PAK4: variants seen among roughly 807,000 people sequenced by gnomAD.
The protein encoded by PAK4 is p21 (RAC1) activated kinase 4, also known as serine/threonine-protein kinase PAK 4.
A neutral mutation model predicts 53.5 loss-of-function variants in PAK4; 49 were observed. That is an observed-to-expected ratio of 0.92 (90% CI 0.73 to 1.16). PAK4 has a LOEUF of 1.16. Ranked by LOEUF, PAK4 falls within the 50% of genes most tolerant of loss-of-function variation. PAK4 has a pLI of 0.00. For missense variants in PAK4, 824 were observed against 850.7 expected, an observed-to-expected ratio of 0.97 and a Z score of 0.39; for synonymous variants, 376 against 375.6, an observed-to-expected ratio of 1.00 and a Z score of -0.01.
chr19:39,131,963 C>T (rs1336054369), intron 1 of PAK4, among the ~76,000 whole-genome samples: 2 of 152,178 alleles, frequency 1.3e-5, no homozygotes, highest in South Asian at 2.1e-4. Context: ...CGATGCTCAG[C>T]ACTCAGTAAG....
chr19:39,164,112 A>G (rs895835038), intron 1 of PAK4, among the ~76,000 whole-genome samples: 1 of 151,972 alleles, frequency 6.6e-6, no homozygotes, highest in Non-Finnish European at 1.5e-5. Flanking sequence ...CCCCATCTCT[A>G]CTAAGAATAC....
chr19:39,160,681 G>T (rs1281504408), intron 1 of PAK4, among the ~76,000 whole-genome samples: 1 of 152,222 alleles, frequency 6.6e-6, no homozygotes, highest in African/African-American at 2.4e-5. Context: ...AGGAGATGAG[G>T]TTTGCGAGGT....
intron 1 of PAK4, among the ~76,000 whole-genome samples, chr19:39,143,219 GGTGCCTAGAACA>G (rs1048922590): frequency 2.7e-5 from 4 of 150,878 alleles, no homozygotes; most frequent in Admixed American, 6.6e-5. Flanking sequence ...CTGTGTCCCT[GGTGCCTAGAACA>G]GTGCCTGGCA....
chr19:39,157,673 C>T (rs1389747808), intron 1 of PAK4, among the ~76,000 whole-genome samples: 2 of 152,250 alleles, frequency 1.3e-5, no homozygotes, highest in African/African-American at 4.8e-5. Context: ...GCAAGCAAGG[C>T]ACTGACCCCT....
chr19:39,136,100 C>T lies in PAK4; in HGVS notation c.-23+10181C>T, dbSNP rs865834391. On this transcript the variant is annotated intron_variant, in intron 1 of 8. Transcript: ENST00000358301. The stretch of plus-strand genomic sequence containing the variant: ...TTGTCACCCCTCTTCCTCGTCACCC[C>T]CCTTCCTCATCATCCCCCTTCCTCG... Among the ~76,000 whole-genome samples, 12 of 124,262 alleles carry T rather than the reference C, an allele frequency of 9.7e-5. 1 individual carries two copies. Among genetic ancestry groups the T allele is most frequent in the African/African-American group, 3.3e-4 (11 of 33,262 alleles). 81.5% of individuals were successfully genotyped at this position (124,262 alleles called of 152,430 possible).
intron 1 of PAK4, among the ~76,000 whole-genome samples, chr19:39,169,280 T>C (rs1310876308): frequency 6.6e-6 from 1 of 151,932 alleles, no homozygotes; most frequent in Non-Finnish European, 1.5e-5. Context: ...TGATGGGGCC[T>C]TGTGGGCCCG....
At chr19:39,169,395 G>GGGCA (rs2144818513) in intron 1 of PAK4, 137 bp from the exon 3 acceptor site, 2 of 663,470 alleles carry the variant, frequency 3.0e-6, no homozygotes, top group South Asian at 1.8e-5. Context: ...CGCAGGGGGT[G>GGGCA]GGCAGGGAGA....
intron 1 of PAK4, among the ~76,000 whole-genome samples, chr19:39,140,655 C>T (rs1266180741): frequency 3.3e-5 from 5 of 152,184 alleles, no homozygotes; most frequent in African/African-American, 1.2e-4. Flanking sequence ...AGCTGATGGT[C>T]CCGTATGTCC....
At chr19:39,177,849 C>CGGGTGGCA in intron 8 of PAK4, 40 bp downstream of exon 9, 1 of 1,579,088 alleles carries the variant, frequency 6.3e-7, no homozygotes, top group Non-Finnish European at 8.6e-7. Context: ...CGCCAGCTGG[C>CGGGTGGCA]GGGTGGCAGG....
downstream of PAK4, chr19:39,181,258 T>A (rs1309358201): frequency 6.6e-6 from 1 of 152,406 alleles, no homozygotes; most frequent in African/African-American, 2.4e-5. Flanking sequence ...CACTGCAGTT[T>A]GAAGGCATGG....
chr19:39,145,335 C>T (rs759465014), intron 1 of PAK4, among the ~76,000 whole-genome samples: 6 of 152,180 alleles, frequency 3.9e-5, no homozygotes, highest in Non-Finnish European at 7.3e-5. Context: ...GTAAATGGTA[C>T]GAGGCCAGCG....
chr19:39,136,147 C>G, intron 1 of PAK4, among the ~76,000 whole-genome samples: 1 of 136,730 alleles, frequency 7.3e-6, no homozygotes, highest in Admixed American at 7.7e-5. Flanking sequence ...CCTTGTTACC[C>G]TTCTTCCTCG....
Position 39,174,015 on chromosome 19 carries a change from G to C in PAK4, c.1098+5G>C. On this transcript the variant is annotated splice_donor_5th_base_variant and intron_variant, in intron 4 of 8. Transcript: ENST00000358301. ...CGCGAGCTGCTCTTCAACGAGGTGC[G>C]GGCGCTGCTGCCCTGCCGCCCTGCT... 1 of 1,559,106 alleles carries C rather than the reference G, an allele frequency of 6.4e-7. No homozygotes were observed. The highest frequency in any genetic ancestry group is 1.2e-5 in the South Asian group (1 of 85,922).
At chr19:39,156,321 G>T (rs1189569762) in intron 1 of PAK4, among the ~76,000 whole-genome samples, 1 of 150,946 alleles carries the variant, frequency 6.6e-6, no homozygotes, top group Non-Finnish European at 1.5e-5. Flanking sequence ...AGTGGCCCCT[G>T]TCACTCCCCA....
chr19:39,158,337 C>T (rs2074228201), intron 1 of PAK4, among the ~76,000 whole-genome samples: 1 of 152,200 alleles, frequency 6.6e-6, no homozygotes, highest in Non-Finnish European at 1.5e-5. Flanking sequence ...TGGTGTATGT[C>T]CTGGCGTCTG....
At chr19:39,135,068 C>G (rs1039165244) in intron 1 of PAK4, 7 of 152,252 alleles carry the variant, frequency 4.6e-5, no homozygotes, top group African/African-American at 1.7e-4. Flanking sequence ...GGCGCTGCCA[C>G]ACAGCCTCCC....
intron 1 of PAK4, among the ~76,000 whole-genome samples, chr19:39,128,919 T>C (rs997580909): frequency 2.6e-5 from 4 of 152,236 alleles, no homozygotes; most frequent in Admixed American, 6.5e-5. Flanking sequence ...AAATTCTGCT[T>C]CCAACTTACT....
intron 1 of PAK4, among the ~76,000 whole-genome samples, chr19:39,142,391 A>T (rs1344166796): frequency 6.6e-6 from 1 of 152,210 alleles, no homozygotes; most frequent in East Asian, 1.9e-4. Context: ...AATTACTTAC[A>T]TGTCTGTATG....
chr19:39,128,946 T>C (rs376479922), intron 1 of PAK4, among the ~76,000 whole-genome samples: 3 of 152,258 alleles, frequency 2.0e-5, no homozygotes, highest in Non-Finnish European at 4.4e-5. Context: ...GGGCTGGGGC[T>C]GGCCTCAGGC....
Sources: gnomAD v4.1 joint callset for allele counts (sites outside exome capture counted in the v4.1 genomes callset) on GRCh38, gnomAD v4.1.1 for gene constraint, MANE v1.5 for transcripts, NCBI Gene and HGNC (gene_info 2026-07-23, HGNC 2026-07-21) for gene names.